The following ACAA1 variants were observed in gnomAD, a reference collection of about 807,000 sequenced individuals.
The protein encoded by ACAA1 is 3-ketoacyl-CoA thiolase, peroxisomal.
Under a neutral mutation model 48.8 loss-of-function variants are expected in ACAA1, and 44 were observed. The observed-to-expected ratio is 0.90, with a 90% CI of 0.71 to 1.16. The LOEUF (loss-of-function observed/expected upper bound fraction) is 1.16, where lower values mean the gene tolerates loss of function less well. ACAA1 is among the 50% of genes most tolerant of loss of function. The pLI is 0.00. For synonymous variants in ACAA1, 233 were observed against 226.5 expected (o/e 1.03, Z -0.26); for missense variants, 512 against 562.3 (o/e 0.91, Z 0.90).
chr3:38,135,922 A>G (rs1055863277), intron 2 of ACAA1, among the ~76,000 whole-genome samples: 1 of 152,132 alleles, frequency 6.6e-6, no homozygotes, highest in Non-Finnish European at 1.5e-5. Flanking sequence ...CCACTAGGCC[A>G]TATCTCAGAC....
intron 3 of ACAA1, chr3:38,133,688 C>T: frequency 1.9e-6 from 1 of 536,500 alleles, no homozygotes; most frequent in Non-Finnish European, 3.3e-6. Flanking sequence ...TCCACACTCA[C>T]AAAAGGCAAA....
At chr3:38,136,084 A>G (rs1200445089) in intron 2 of ACAA1, among the ~76,000 whole-genome samples, 1 of 152,248 alleles carries the variant, frequency 6.6e-6, no homozygotes, top group Non-Finnish European at 1.5e-5. Context: ...AATGGTTAAC[A>G]AGCCACATCC....
At chr3:38,124,408 C>T (rs1474695228) in intron 11 of ACAA1, 5 of 152,158 alleles carry the variant, frequency 3.3e-5, no homozygotes, top group African/African-American at 9.7e-5. Context: ...GAGTTCCAGA[C>T]CAGCCTGGGC....
intron 3 of ACAA1, among the ~76,000 whole-genome samples, chr3:38,132,809 G>C (rs981019398): frequency 2.0e-5 from 3 of 152,160 alleles, no homozygotes. Context: ...ACTCTCTCAG[G>C]GGGATAGCCT....
rs1700692769 is a variant in ACAA1 at position 38,126,824 on chromosome 3, T to TG, written c.627-125dup. The stretch of plus-strand genomic sequence containing the variant: ...CTAAATTCAGGGACATGCTCGACTT[T>TG]GGGGGAGCTCTGAGGGCATGGCTAA... On this transcript the variant is annotated intron_variant, in intron 7 of 11. Transcript: ENST00000333167. This position sits in a 1 kb window ranked among gnomAD's most constrained non-coding sequence, Gnocchi z 4.7. 5.0e-6 allele frequency: 6 copies of TG among 1,198,490 alleles called. No homozygotes were observed. Among genetic ancestry groups the TG allele is most frequent in the Middle Eastern group, 2.8e-4 (1 of 3,540 alleles). 74.2% of individuals were successfully genotyped at this position (1,198,490 alleles called of 1,614,324 possible). A position where few individuals can be genotyped will look rare whatever the true frequency, so the allele number is the denominator to read the frequency against.
chr3:38,132,004 C>A lies in ACAA1; in HGVS notation c.325G>T (p.Asp109Tyr). 1.2e-6 allele frequency: 2 copies of A among 1,612,982 alleles called. No individual in the cohort carries two copies. The highest frequency in any genetic ancestry group is 1.1e-5 in the South Asian group (1 of 90,944). ...GACAAAGGCACAGTCTCCGGGATGT[C>A]ACTGAAACAGAAGGTGAGAAAGTAG... Reference protein sequence around the residue: ...IMARIAQFLSDIPETVPLSTV... With the variant: ...IMARIAQFLSYIPETVPLSTV... The change falls in exon 4 of 12, where the codon GAC (aspartate) becomes TAC (tyrosine). Residue 109 changes from aspartate (D) to tyrosine (Y), a missense_variant and splice_region_variant. Transcript: ENST00000333167.
Position 38,127,828 on chromosome 3 carries a change from G to A in ACAA1, c.584C>T (p.Ser195Leu), listed in dbSNP as rs759019622. The change falls in exon 7 of 12, where the codon TCA becomes TTA. Residue 195 changes from serine (S) to leucine (L), a missense_variant. Physicochemically the swap from Ser to Leu is moderately radical, Grantham distance 145. Transcript: ENST00000333167. ...GGCAAAGGTATCCTGCTTCTCCCGT[G>A]AAATGCCAAACCGCTCAGCCACATT... ...SENVAERFGI[S>L]REKQDTFALA... 6.2e-6 allele frequency: 10 copies of A among 1,614,022 alleles called. No homozygotes were observed. The highest frequency in any genetic ancestry group is 5.0e-5 in the Admixed American group (3 of 59,996).
intron 2 of ACAA1, among the ~76,000 whole-genome samples, chr3:38,136,137 A>G (rs1364667038): frequency 2.0e-5 from 3 of 152,202 alleles, no homozygotes; most frequent in Non-Finnish European, 2.9e-5. Flanking sequence ...AATACAGCAC[A>G]TGTTTCTGTG....
rs542694349 is a variant in ACAA1, at chr3:38,127,616, A to C, written c.626+170T>G. On this transcript the variant is annotated intron_variant, in intron 7 of 11. Coordinates refer to ENST00000333167, the MANE Select transcript of ACAA1 (RefSeq NM_001607.4). ...TAGAACCTGGAAGTACTACCAACTC[A>C]CAGTGGCCCTGACACTTCCTACTTC... 6.2e-5 allele frequency: 40 copies of C among 647,464 alleles called. No homozygotes were observed. In the African/African-American group the frequency reaches 6.7e-4, roughly 11 times the overall value. 40.1% of individuals were successfully genotyped at this position (647,464 alleles called of 1,614,324 possible).
intron 5 of ACAA1, 38 bp downstream of exon 5, chr3:38,131,558 A>C (rs781330047): frequency 1.9e-6 from 3 of 1,608,392 alleles, no homozygotes; most frequent in South Asian, 2.2e-5. Context: ...TTATTGTCAC[A>C]AGTTGGTTAA....
chr3:38,129,675 A>G lies in ACAA1; in HGVS notation c.447-287T>C, dbSNP rs1700747454. Reference sequence around the variant, plus strand: ...ACACTGCTAAATCAGCCAACTGGCAATTCCAGAGAAAAGCCTTCTGCTGTC... The same window carrying G: ...ACACTGCTAAATCAGCCAACTGGCAGTTCCAGAGAAAAGCCTTCTGCTGTC... On this transcript the variant is annotated intron_variant, in intron 5 of 11. Coordinates refer to ENST00000333167, the MANE Select transcript of ACAA1 (RefSeq NM_001607.4). The surrounding 1 kb of genome is among the most constrained non-coding windows in gnomAD (Gnocchi z 5.3). Among the ~76,000 whole-genome samples the G allele has an allele frequency of 6.6e-6, 1 of 152,248 alleles. No homozygotes were observed. The highest frequency in any genetic ancestry group is 1.5e-5 in the Non-Finnish European group (1 of 68,030).
rs1358680741 is a variant in ACAA1, at chr3:38,136,641, A to G, written c.216T>C (p.Val72=). Residue 72 remains valine, a synonymous_variant, in exon 2 of 12, where the codon GTT becomes GTC. Coordinates refer to ENST00000333167, the MANE Select transcript of ACAA1 (RefSeq NM_001607.4). The part of the protein sequence containing the change: ...DELLSAVMTA[V]LKDVNLRPEQ... Reference sequence around the variant, plus strand: ...CCGGCCTCAGATTCACGTCCTTGAGAACCGCGGTCATGACTGCCGAGAGAA... The same window carrying G: ...CCGGCCTCAGATTCACGTCCTTGAGGACCGCGGTCATGACTGCCGAGAGAA... The G allele has an allele frequency of 1.1e-5, 17 of 1,613,838 alleles. No homozygotes were observed. The highest frequency in any genetic ancestry group is 1.3e-5 in the African/African-American group (1 of 74,912).
Position 38,129,201 on chromosome 3 carries a change from C to CA in ACAA1, c.545+88dup. On this transcript the variant is annotated intron_variant, in intron 6 of 11. Coordinates refer to ENST00000333167, the MANE Select transcript of ACAA1 (RefSeq NM_001607.4). The surrounding 1 kb of genome is among the most constrained non-coding windows in gnomAD (Gnocchi z 5.3). ...CCAAAGGAAGGAGGCCAAGGCTTGG[C>CA]ACCACCAGCCACAGAGATGATAAAA... 8.2e-7 allele frequency: 1 copy of CA among 1,216,080 alleles called. No individual in the cohort carries two copies. The highest frequency in any genetic ancestry group is 1.5e-5 in the African/African-American group (1 of 66,834). 75.3% of individuals were successfully genotyped at this position (1,216,080 alleles called of 1,614,324 possible).
intron 5 of ACAA1, among the ~76,000 whole-genome samples, chr3:38,130,783 G>C (rs535442615): frequency 5.3e-5 from 8 of 152,344 alleles, no homozygotes; most frequent in African/African-American, 1.9e-4. Flanking sequence ...TACAACTGTA[G>C]ACATAGGTCA....
Position 38,126,643 on chromosome 3 carries a change from G to C in ACAA1, c.684C>G (p.Thr228=). Residue 228 remains threonine (T), a synonymous_variant, in exon 8 of 12, where the codon ACC becomes ACG. Transcript: ENST00000333167. This position sits in a 1 kb window ranked among gnomAD's most constrained non-coding sequence, Gnocchi z 4.7. ...TGGTGCCCTTGTCATCATGGACCGTGGTGGTCACAGGCACAATCTCAGCTT... is the reference window on the plus strand; with the variant it reads ...TGGTGCCCTTGTCATCATGGACCGTCGTGGTCACAGGCACAATCTCAGCTT... ...CFQAEIVPVT[T]TVHDDKGTKR... is the part of the protein sequence containing the mutation. 6.2e-7 allele frequency: 1 copy of C among 1,614,150 alleles called. No homozygotes were observed. The highest frequency in any genetic ancestry group is 1.7e-4 in the Middle Eastern group (1 of 6,060).
intron 2 of ACAA1, among the ~76,000 whole-genome samples, chr3:38,135,947 G>T (rs931171065): frequency 6.6e-6 from 1 of 152,208 alleles, no homozygotes; most frequent in South Asian, 2.1e-4. Context: ...TCAGTGGGGG[G>T]AAACCTGGAC....
In ACAA1 at chr3:38,126,634, A is replaced by G. The variant is rs61095322; in HGVS notation, c.693T>C (p.His231=). The change falls in exon 8 of 12, where the codon CAT becomes CAC. Residue 231 remains histidine (H), a synonymous_variant. Transcript: ENST00000333167. This position sits in a 1 kb window ranked among gnomAD's most constrained non-coding sequence, Gnocchi z 4.7. ...TGCTCCTCTTGGTGCCCTTGTCATC[A>G]TGGACCGTGGTGGTCACAGGCACAA... The part of the protein sequence containing the change: ...AEIVPVTTTV[H]DDKGTKRSIT... The G allele has an allele frequency of 6.2e-7, 1 of 1,613,970 alleles. No homozygotes were observed. The highest frequency in any genetic ancestry group is 1.3e-5 in the African/African-American group (1 of 74,886).
At chr3:38,124,678 ATCT>A (rs1700638475) in intron 11 of ACAA1, 2 of 152,116 alleles carry the variant, frequency 1.3e-5, no homozygotes, top group South Asian at 4.1e-4. Context: ...GAGAAATTTT[ATCT>A]TTCACAAACG....
At chr3:38,135,280 G>A (rs767138034) in intron 2 of ACAA1, 6 of 152,220 alleles carry the variant, frequency 3.9e-5, no homozygotes, top group Non-Finnish European at 8.8e-5. Flanking sequence ...TTTCTCGCAA[G>A]GTGGAGACGA....
Sources: allele counts gnomAD v4.1 joint callset (sites outside exome capture counted in the v4.1 genomes callset), GRCh38; gene constraint gnomAD v4.1.1; non-coding constraint Gnocchi (gnomAD v3.1); transcripts MANE v1.5; gene names NCBI Gene and HGNC (gene_info 2026-07-23, HGNC 2026-07-21).